The following RERE variants were observed in gnomAD, a reference collection of about 807,000 sequenced individuals.
RERE encodes arginine-glutamic acid dipeptide repeats, also known as arginine-glutamic acid dipeptide repeats protein.
A neutral mutation model predicts 146.1 loss-of-function variants in RERE; 40 were observed. The ratio of observed to expected loss-of-function variants is 0.27; its 90% CI spans 0.21 to 0.36. RERE has a LOEUF of 0.36. Ranked by LOEUF, RERE falls within the 10% of genes least tolerant of loss-of-function variation. RERE has a pLI of 1.00. For missense variants in RERE, 1,933 were observed against 2,138.7 expected (o/e 0.90, Z 1.90); for synonymous variants, 1,003 against 866.0 (o/e 1.16, Z -2.78).
At chr1:8,700,686 GC>G (rs1456938159) in intron 1 of RERE, among the ~76,000 whole-genome samples, 1 of 152,012 alleles carries the variant, frequency 6.6e-6, no homozygotes, top group Non-Finnish European at 1.5e-5. Flanking sequence ...CTCCAATGAT[GC>G]CAACATTTAT....
chr1:8,363,598 C>G (rs1383218196), intron 15 of RERE: 1 of 167,376 alleles, frequency 6.0e-6, no homozygotes, highest in Non-Finnish European at 1.3e-5. Flanking sequence ...CATTTCCAAC[C>G]TAGGAAACAA....
chr1:8,562,477 AGTTTGTTT>A (rs59739710), intron 4 of RERE, among the ~76,000 whole-genome samples: 54 of 150,832 alleles, frequency 3.6e-4, no homozygotes, highest in Admixed American at 2.3e-3. Flanking sequence ...ACTTCTCACC[AGTTTGTTT>A]GTTTGTTTGT....
At position 8,400,590 on chromosome 1, in the gene RERE, G is replaced by C. The variant is rs139480740; in HGVS notation, c.1284+22137C>G. ...CTTTTCTATAAACACACATATATAG[G>C]GTCTTTGTCCAATTGTGTCATATAG... On this transcript the variant is annotated intron_variant, in intron 12 of 22. Coordinates refer to ENST00000400908, the MANE Select transcript of RERE (RefSeq NM_001042681.2). 3.3e-3 allele frequency among the ~76,000 whole-genome samples: 494 copies of C among 151,850 alleles called. 3 individuals are homozygous for C. The highest frequency in any genetic ancestry group is 0.011 in the African/African-American group (474 of 41,390).
At chr1:8,626,650 A>C (rs995856846) in intron 2 of RERE, among the ~76,000 whole-genome samples, 1 of 152,182 alleles carries the variant, frequency 6.6e-6, no homozygotes, top group Non-Finnish European at 1.5e-5. Flanking sequence ...GAGAGATGTC[A>C]GCCCCAAAAC....
chr1:8,602,758 T>C (rs1056269337), intron 4 of RERE, among the ~76,000 whole-genome samples: 1 of 152,222 alleles, frequency 6.6e-6, no homozygotes, highest in Non-Finnish European at 1.5e-5. Context: ...CTCTTGACAG[T>C]ATTAAGTGCT....
At chr1:8,437,279 T>C (rs994141307) in intron 11 of RERE, among the ~76,000 whole-genome samples, 1 of 152,126 alleles carries the variant, frequency 6.6e-6, no homozygotes, top group Non-Finnish European at 1.5e-5. Context: ...GGTTCCTCAT[T>C]TGACTCGGTT....
Position 8,364,148 on chromosome 1 carries a change from C to T in RERE, c.1648G>A (p.Asp550Asn), listed in dbSNP as rs770580574. ...GGTTTGAACATAAACGGTGGCGGGT[C>T]CACGGGCTTCTCAATGGGCGGGAGC... The part of the protein sequence containing the change: ...GELPPIEKPV[D>N]PPPFMFKPVK... The change falls in exon 15 of 23, where the codon GAC becomes AAC. Residue 550 changes from aspartate to asparagine, a missense_variant. Asp to Asn is a conservative substitution (Grantham distance 23). Around this residue, in one of 11 missense-constraint regions of RERE, gnomAD observed 260 missense variants for 378.4 expected, o/e 0.69. Transcript: ENST00000400908. This position sits in a 1 kb window ranked among gnomAD's most constrained non-coding sequence, Gnocchi z 5.1. 1.9e-6 allele frequency: 3 copies of T among 1,613,984 alleles called. No individual in the cohort carries two copies. The highest frequency in any genetic ancestry group is 3.3e-5 in the Admixed American group (2 of 59,998).
chr1:8,423,104 C>T lies in RERE; in HGVS notation c.1204-297G>A. On this transcript the variant is annotated intron_variant, in intron 11 of 22. Coordinates refer to ENST00000400908, the MANE Select transcript of RERE (RefSeq NM_001042681.2). The surrounding 1 kb of genome is among the most constrained non-coding windows in gnomAD (Gnocchi z 5.4). ...CTGTCCCCCTCTTCCACCAGGCACA[C>T]ATTCTGGTGCACGAAGGTATAAATA... 2 of 370,366 alleles carry T rather than the reference C, an allele frequency of 5.4e-6. No individual in the cohort carries two copies. Among genetic ancestry groups the T allele is most frequent in the South Asian group, 6.6e-5 (2 of 30,170 alleles). The allele number at this position is 370,366 out of a possible 1,614,324, so 22.9% of individuals were successfully genotyped here. A position where few individuals can be genotyped will look rare whatever the true frequency, so the allele number is the denominator to read the frequency against.
intron 4 of RERE, among the ~76,000 whole-genome samples, chr1:8,558,362 G>A (rs1230631938): frequency 1.3e-5 from 2 of 152,128 alleles, no homozygotes; most frequent in African/African-American, 4.8e-5. Context: ...TCTGTGGCTG[G>A]TCAAGAAATA....
chr1:8,365,876 C>G lies in RERE; in HGVS notation c.1383G>C (p.Arg461Ser). The change falls in exon 13 of 23, where the codon AGG becomes AGC. Residue 461 changes from arginine to serine, a missense_variant. Physicochemically the swap from Arg to Ser is moderately radical, Grantham distance 110. Transcript: ENST00000400908. Reference protein sequence around the residue: ...RRHRRQAVFRRIKTRTASTPV... With the variant: ...RRHRRQAVFRSIKTRTASTPV... The stretch of plus-strand genomic sequence containing the variant: ...GTGTGGACGCGGTGCGAGTCTTAAT[C>G]CTCCTGAACACGGCCTGCCTGCGGT... 6.2e-7 allele frequency: 1 copy of G among 1,614,200 alleles called. No homozygotes were observed. The highest frequency in any genetic ancestry group is 8.5e-7 in the Non-Finnish European group (1 of 1,180,044).
chr1:8,814,620 C>T (rs891128436), intron 1 of RERE, among the ~76,000 whole-genome samples: 2 of 152,294 alleles, frequency 1.3e-5, no homozygotes, highest in Admixed American at 1.3e-4. Flanking sequence ...ACCCCTCTAC[C>T]TGGTTTAAAT....
At chr1:8,805,007 G>T (rs201658565) in intron 1 of RERE, among the ~76,000 whole-genome samples, 2,124 of 61,340 alleles carry the variant, frequency 0.035, 138 homozygotes, top group African/African-American at 0.036. Flanking sequence ...TTTTGTTTTT[G>T]GTTTTTTTTT....
rs1192644569 is a variant in RERE, at chr1:8,361,086, G to A, written c.2421C>T (p.His807=). The A allele has an allele frequency of 3.5e-6, 5 of 1,440,190 alleles. No individual in the cohort carries two copies. The Admixed American group carries it at 8.6e-5, about 25-fold the overall frequency. 89.2% of individuals were successfully genotyped at this position (1,440,190 alleles called of 1,614,324 possible). ...GATGCGGTGAGGGCGGCCGCTGGGG[G>A]TGCAAGGCCGGTGCCTGTTGGATGT... The part of the protein sequence containing the change: ...HTHIQQAPAL[H]PQRPPSPHPP... The change falls in exon 18 of 23, where the codon CAC becomes CAT. Residue 807 remains histidine (H), a synonymous_variant. Transcript: ENST00000400908.
intron 2 of RERE, among the ~76,000 whole-genome samples, chr1:8,654,631 T>G (rs910952987): frequency 1.9e-4 from 26 of 140,388 alleles, no homozygotes; most frequent in Admixed American, 8.0e-4. Context: ...TCTTGTTTTG[T>G]TTTTTTTTGT....
intron 11 of RERE, chr1:8,424,193 G>A (rs1031147371): frequency 6.6e-6 from 1 of 152,136 alleles, no homozygotes; most frequent in African/African-American, 2.4e-5. Context: ...GGTCCCTTCC[G>A]GCCCGCGATT....
chr1:8,356,073 C>T lies in RERE; in HGVS notation c.4486+27G>A. The T allele has an allele frequency of 6.8e-7, 1 of 1,470,362 alleles. No individual in the cohort carries two copies. Among genetic ancestry groups the T allele is most frequent in the Admixed American group, 2.7e-5 (1 of 36,648 alleles). 91.1% of individuals were successfully genotyped at this position (1,470,362 alleles called of 1,614,324 possible). A position where few individuals can be genotyped will look rare whatever the true frequency, so the allele number is the denominator to read the frequency against. On this transcript the variant is annotated intron_variant, in intron 21 of 22. Coordinates refer to ENST00000400908, the MANE Select transcript of RERE (RefSeq NM_001042681.2). This position sits in a 1 kb window ranked among gnomAD's most constrained non-coding sequence, Gnocchi z 5.2. The stretch of plus-strand genomic sequence containing the variant: ...CCAACCCAACCCTCACACGGCCTCC[C>T]CGCCCCTCCTGGAGGGGAAGTCTTA...
chr1:8,803,735 T>G (rs756475094), intron 1 of RERE, among the ~76,000 whole-genome samples: 11 of 151,828 alleles, frequency 7.2e-5, no homozygotes, highest in Non-Finnish European at 1.5e-4. Flanking sequence ...GTTTTTTGTT[T>G]TTTTTTTTTA....
intron 1 of RERE, among the ~76,000 whole-genome samples, chr1:8,780,226 G>A (rs1008938472): frequency 4.7e-4 from 71 of 152,282 alleles, no homozygotes; most frequent in African/African-American, 1.6e-3. Flanking sequence ...CAGCACCCTC[G>A]TATGTATTAT....
chr1:8,530,501 G>A (rs1201625827), intron 7 of RERE, among the ~76,000 whole-genome samples: 2 of 152,022 alleles, frequency 1.3e-5, no homozygotes, highest in African/African-American at 2.4e-5. Context: ...GCCAAAATGG[G>A]GAGGCGGGGC....
Sources: allele counts gnomAD v4.1 joint callset (sites outside exome capture counted in the v4.1 genomes callset), GRCh38; gene constraint gnomAD v4.1.1; regional missense constraint gnomAD v4.1.1; non-coding constraint Gnocchi (gnomAD v3.1); transcripts MANE v1.5; gene names NCBI Gene and HGNC (gene_info 2026-07-23, HGNC 2026-07-21).